The following SPAG17 variants were observed in gnomAD, a reference collection of about 807,000 sequenced individuals.
The protein encoded by SPAG17 is sperm associated antigen 17.
SPAG17 carries 169 observed loss-of-function variants against 273.6 expected under a neutral mutation model. The observed-to-expected ratio is 0.62, with a 90% CI of 0.55 to 0.70. SPAG17 has a LOEUF of 0.70. Among genes scored for constraint, SPAG17 ranks in the 30% least tolerant of loss-of-function variants. The pLI is 0.00. For missense variants in SPAG17, 2,557 were observed against 2,627.8 expected, an observed-to-expected ratio of 0.97 and a Z score of 0.59; for synonymous variants, 825 against 873.2, an observed-to-expected ratio of 0.94 and a Z score of 0.97.
At chr1:117,956,850 C>G (rs938707876) in intron 48 of SPAG17, among the ~76,000 whole-genome samples, 1 of 152,042 alleles carries the variant, frequency 6.6e-6, no homozygotes, top group East Asian at 1.9e-4. Flanking sequence ...TAGATTTTCC[C>G]ATCATGCCAT....
At chr1:118,070,072 C>G (rs1429737997) in intron 17 of SPAG17, among the ~76,000 whole-genome samples, 1 of 151,466 alleles carries the variant, frequency 6.6e-6, no homozygotes, top group Non-Finnish European at 1.5e-5. Flanking sequence ...AACATTTGCA[C>G]TCTCTAACGC....
chr1:118,009,096 G>A (rs1043214569), intron 30 of SPAG17, among the ~76,000 whole-genome samples: 3 of 152,008 alleles, frequency 2.0e-5, no homozygotes, highest in Non-Finnish European at 4.4e-5. Context: ...TGGGTGGGGT[G>A]GGGAGATGTA....
chr1:118,046,610 T>C (rs1220670184), intron 20 of SPAG17, among the ~76,000 whole-genome samples: 1 of 152,086 alleles, frequency 6.6e-6, no homozygotes, highest in Non-Finnish European at 1.5e-5. Context: ...ATATTAAACT[T>C]TTCCTATAAA....
intron 20 of SPAG17, among the ~76,000 whole-genome samples, chr1:118,048,869 C>T (rs575436527): frequency 2.0e-4 from 30 of 152,184 alleles, no homozygotes; most frequent in African/African-American, 7.2e-4. Context: ...GCACTCCAGC[C>T]TGGGCGACAG....
At chr1:118,016,868 A>G (rs1274328620) in intron 28 of SPAG17, among the ~76,000 whole-genome samples, 1 of 152,236 alleles carries the variant, frequency 6.6e-6, no homozygotes, top group Non-Finnish European at 1.5e-5. Context: ...CAGTTGCTCT[A>G]TCAGGGTAGA....
At chr1:118,087,851 G>T (rs551273197) in intron 10 of SPAG17, among the ~76,000 whole-genome samples, 1 of 152,024 alleles carries the variant, frequency 6.6e-6, no homozygotes, top group Non-Finnish European at 1.5e-5. Flanking sequence ...TACTTGTTGT[G>T]GGGGGTTGTC....
Position 118,091,994 on chromosome 1 carries a change from T to C in SPAG17, c.1182A>G (p.Gln394=), listed in dbSNP as rs776288780. Residue 394 remains glutamine, a synonymous_variant, in exon 9 of 49, where the codon CAA becomes CAG. Coordinates refer to ENST00000336338, the MANE Select transcript of SPAG17 (RefSeq NM_206996.4). ...TCTTTCCAGGAGCTGGTACAGCAGG[T>C]TGTGGAGCCTAGAAAAAGAATAATT... The part of the protein sequence containing the change: ...LEAMPTSEAP[Q]PAVPAPGKKK... 2.5e-6 allele frequency: 4 copies of C among 1,613,422 alleles called. No individual in the cohort carries two copies. The highest frequency in any genetic ancestry group is 3.4e-6 in the Non-Finnish European group (4 of 1,179,532).
chr1:118,133,928 A>G lies in SPAG17; in HGVS notation c.315+16615T>C, dbSNP rs189771979. On this transcript the variant is annotated intron_variant, in intron 3 of 48. Transcript: ENST00000336338. ...CCATCATTTCACTTTAAAGAATTCC[A>G]TACTCACAAAACACAGCCAATCAAA... Among the ~76,000 whole-genome samples, 693 of 152,352 alleles carry G rather than the reference A, an allele frequency of 4.5e-3. 7 individuals carry two copies. The highest frequency in any genetic ancestry group is 0.016 in the African/African-American group (666 of 41,586).
chr1:118,005,583 C>T lies in SPAG17; in HGVS notation c.4607G>A (p.Gly1536Asp). 1.3e-6 allele frequency: 2 copies of T among 1,532,828 alleles called. No homozygotes were observed. The highest frequency in any genetic ancestry group is 1.8e-6 in the Non-Finnish European group (2 of 1,139,184). The allele number at this position is 1,532,828 out of a possible 1,614,324, so 95.0% of individuals were successfully genotyped here. A position where few individuals can be genotyped will look rare whatever the true frequency, so the allele number is the denominator to read the frequency against. The part of the protein sequence containing the change: ...GTYQVLPPNT[G>D]SLYIDKDCSA... ...ACAATCCTTGTCAATATAAAGAGAGCCTGTGTTTGGAGGTAACACCTGAAA... is the reference window on the plus strand; with the variant it reads ...ACAATCCTTGTCAATATAAAGAGAGTCTGTGTTTGGAGGTAACACCTGAAA... The change falls in exon 32 of 49, where the codon GGC (glycine) becomes GAC (aspartate). Residue 1536 changes from glycine to aspartate, a missense_variant. Transcript: ENST00000336338.
intron 31 of SPAG17, among the ~76,000 whole-genome samples, chr1:118,006,526 G>A (rs1658901257): frequency 6.6e-6 from 1 of 152,074 alleles, no homozygotes; most frequent in Non-Finnish European, 1.5e-5. Context: ...TTTCAGTTTT[G>A]CTATTATTAA....
At chr1:118,176,668 G>T (rs1374556523) in intron 1 of SPAG17, among the ~76,000 whole-genome samples, 2 of 152,154 alleles carry the variant, frequency 1.3e-5, no homozygotes, top group Non-Finnish European at 2.9e-5. Flanking sequence ...ACCAAAAAAA[G>T]TTGGAGTTAA....
intron 5 of SPAG17, among the ~76,000 whole-genome samples, chr1:118,100,336 T>G (rs746453815): frequency 6.6e-6 from 1 of 152,220 alleles, no homozygotes; most frequent in African/African-American, 2.4e-5. Context: ...GCATTAAAAA[T>G]TTAAAATACA....
intron 17 of SPAG17, among the ~76,000 whole-genome samples, chr1:118,068,811 A>G (rs1465301141): frequency 3.3e-5 from 5 of 152,234 alleles, no homozygotes; most frequent in Non-Finnish European, 5.9e-5. Context: ...TAGAGACGGG[A>G]CCTTGCTATG....
intron 46 of SPAG17, among the ~76,000 whole-genome samples, chr1:117,969,578 CAAAATAAATAAA>C (rs752678367): frequency 6.7e-4 from 101 of 151,568 alleles, no homozygotes; most frequent in Admixed American, 9.2e-4. Flanking sequence ...GGCTCTGTCT[CAAAATAAATAAA>C]TAAATAAATA....
chr1:117,955,155 C>T (rs1451319748), intron 48 of SPAG17: 1 of 553,680 alleles, frequency 1.8e-6, no homozygotes, highest in Non-Finnish European at 3.1e-6. Flanking sequence ...GTTGTCAACC[C>T]AGATCTGACT....
At chr1:118,028,236 G>T (rs1267667033) in intron 26 of SPAG17, 38 bp downstream of exon 26, 1 of 1,576,146 alleles carries the variant, frequency 6.3e-7, no homozygotes, top group African/African-American at 1.4e-5. Flanking sequence ...GTGACATTTT[G>T]CTCCCTGCTT....
chr1:118,034,854 G>A (rs1217091433), intron 24 of SPAG17, among the ~76,000 whole-genome samples: 1 of 152,164 alleles, frequency 6.6e-6, no homozygotes, highest in Non-Finnish European at 1.5e-5. Context: ...GGTATATTCA[G>A]TAGGCACCCT....
At chr1:118,126,203 CT>C (rs776674134) in intron 3 of SPAG17, among the ~76,000 whole-genome samples, 207 of 110,568 alleles carry the variant, frequency 1.9e-3, no homozygotes, top group African/African-American at 5.1e-3. Flanking sequence ...ATCCTTTATC[CT>C]TTTTTTTTTT....
chr1:118,150,045 G>A (rs1179565809), intron 3 of SPAG17, among the ~76,000 whole-genome samples: 1 of 152,114 alleles, frequency 6.6e-6, no homozygotes, highest in African/African-American at 2.4e-5. Context: ...TTTTCATATC[G>A]ATTAAAGTGG....
Sources: gnomAD v4.1 joint callset for allele counts (sites outside exome capture counted in the v4.1 genomes callset) on GRCh38, gnomAD v4.1.1 for gene constraint, MANE v1.5 for transcripts, NCBI Gene and HGNC (gene_info 2026-07-23, HGNC 2026-07-21) for gene names.